ANKS1B: variants seen among roughly 807,000 people sequenced by gnomAD.
ANKS1B encodes ankyrin repeat and sterile alpha motif domain containing 1B.
Under a neutral mutation model 148.3 loss-of-function variants are expected in ANKS1B, and 36 were observed. The observed-to-expected ratio is 0.24, with a 90% CI of 0.19 to 0.32. The LOEUF is 0.32. Ranked by LOEUF, ANKS1B falls within the 10% of genes least tolerant of loss-of-function variation. The probability of loss-of-function intolerance (pLI) is 1.00; values close to 1 mark genes in which losing one functional copy is unlikely to be tolerated. For missense variants in ANKS1B, 1,157 were observed against 1,542.6 expected, an observed-to-expected ratio of 0.75 and a Z score of 4.19; for synonymous variants, 542 against 560.8, an observed-to-expected ratio of 0.97 and a Z score of 0.47.
intron 8 of ANKS1B, among the ~76,000 whole-genome samples, chr12:99,689,890 TG>T (rs1449329127): frequency 1.3e-5 from 2 of 152,208 alleles, no homozygotes; most frequent in Admixed American, 1.3e-4. Flanking sequence ...ATTGCAGCCT[TG>T]TGAGACCATG....
At chr12:99,935,283 G>A (rs1343708699) in intron 1 of ANKS1B, among the ~76,000 whole-genome samples, 2 of 151,064 alleles carry the variant, frequency 1.3e-5, no homozygotes, top group African/African-American at 4.9e-5. Flanking sequence ...AAGGGATGGG[G>A]CGTGTTTAGA....
intron 15 of ANKS1B, among the ~76,000 whole-genome samples, chr12:99,085,641 A>G (rs2051443450): frequency 6.6e-6 from 1 of 152,212 alleles, no homozygotes; most frequent in African/African-American, 2.4e-5. Context: ...AGCCTAGATA[A>G]AGAAAATGTG....
At chr12:99,914,689 G>C (rs2094114559) in intron 1 of ANKS1B, among the ~76,000 whole-genome samples, 1 of 152,118 alleles carries the variant, frequency 6.6e-6, no homozygotes, top group South Asian at 2.1e-4. Context: ...ATAGGGAAAG[G>C]GGGAGGGTGG....
chr12:99,782,167 G>T, intron 4 of ANKS1B, 70 bp from the exon 5 acceptor site: 1 of 1,259,306 alleles, frequency 7.9e-7, no homozygotes, highest in Non-Finnish European at 1.1e-6. Flanking sequence ...GAAATAAAAT[G>T]CTCACATTTT....
chr12:99,810,004 G>A (rs990832617), intron 3 of ANKS1B, among the ~76,000 whole-genome samples: 3 of 151,932 alleles, frequency 2.0e-5, no homozygotes, highest in African/African-American at 4.8e-5. Flanking sequence ...GTAAGATAAC[G>A]GGGATGAAGT....
chr12:99,567,791 A>G (rs1315565159), intron 9 of ANKS1B, among the ~76,000 whole-genome samples: 1 of 152,200 alleles, frequency 6.6e-6, no homozygotes, highest in African/African-American at 2.4e-5. Context: ...AAATTTCAAA[A>G]GACCATAACT....
At chr12:99,146,026 G>A (rs1158505682) in intron 15 of ANKS1B, among the ~76,000 whole-genome samples, 1 of 151,976 alleles carries the variant, frequency 6.6e-6, no homozygotes, top group Non-Finnish European at 1.5e-5. Context: ...GAACTATATA[G>A]AATTATATGA....
chr12:99,200,384 T>C (rs566164498), intron 14 of ANKS1B, among the ~76,000 whole-genome samples: 1 of 152,350 alleles, frequency 6.6e-6, no homozygotes, highest in East Asian at 1.9e-4. Context: ...TAAATCTGCT[T>C]CCATTTAGAT....
chr12:99,536,285 G>A (rs1444311293), intron 9 of ANKS1B, among the ~76,000 whole-genome samples: 2 of 152,146 alleles, frequency 1.3e-5, no homozygotes, highest in African/African-American at 4.8e-5. Flanking sequence ...GCACTCTGGT[G>A]GGGATGTTGA....
At chr12:99,426,777 T>C (rs2095263109) in intron 11 of ANKS1B, among the ~76,000 whole-genome samples, 1 of 152,180 alleles carries the variant, frequency 6.6e-6, no homozygotes, top group African/African-American at 2.4e-5. Flanking sequence ...TATTTAACTA[T>C]CTACATTATA....
chr12:99,051,966 T>C (rs978280793), intron 17 of ANKS1B, among the ~76,000 whole-genome samples: 4 of 152,228 alleles, frequency 2.6e-5, no homozygotes, highest in Admixed American at 2.0e-4. Flanking sequence ...CAGAGCACTT[T>C]TGAACCAGCA....
chr12:99,482,135 C>T (rs1005527820), intron 10 of ANKS1B, among the ~76,000 whole-genome samples: 3 of 151,744 alleles, frequency 2.0e-5, no homozygotes, highest in East Asian at 1.9e-4. Flanking sequence ...TTTTCAACAT[C>T]GTCTTCCAGA....
At chr12:99,464,863 A>G (rs950734060) in intron 10 of ANKS1B, among the ~76,000 whole-genome samples, 5 of 152,242 alleles carry the variant, frequency 3.3e-5, no homozygotes, top group Admixed American at 1.3e-4. Context: ...GTTGGAAAAC[A>G]CTATGCAGGA....
intron 1 of ANKS1B, among the ~76,000 whole-genome samples, chr12:99,961,575 T>C (rs1174607345): frequency 1.3e-5 from 2 of 152,186 alleles, no homozygotes; most frequent in Non-Finnish European, 2.9e-5. Context: ...CTTGATTCTA[T>C]GAAAGACTTC....
intron 17 of ANKS1B, among the ~76,000 whole-genome samples, chr12:99,048,092 G>A (rs1368242292): frequency 6.6e-6 from 1 of 152,236 alleles, no homozygotes; most frequent in Non-Finnish European, 1.5e-5. Context: ...GGAGGCAGAG[G>A]CTGGAATGCC....
intron 14 of ANKS1B, among the ~76,000 whole-genome samples, chr12:99,235,384 C>T (rs948099135): frequency 1.3e-5 from 2 of 152,112 alleles, no homozygotes; most frequent in African/African-American, 4.8e-5. Context: ...TGAATATCCT[C>T]AGTATTGAGG....
chr12:99,556,723 G>T (rs2097280602), intron 9 of ANKS1B, among the ~76,000 whole-genome samples: 1 of 152,116 alleles, frequency 6.6e-6, no homozygotes, highest in South Asian at 2.1e-4. Flanking sequence ...TGAGGAGCAG[G>T]TTGTTTAATT....
chr12:99,229,708 A>G (rs536424188), intron 14 of ANKS1B, among the ~76,000 whole-genome samples: 9 of 151,728 alleles, frequency 5.9e-5, no homozygotes, highest in Non-Finnish European at 5.9e-5. Context: ...TCTACTATTT[A>G]TCTTACAAAT....
intron 12 of ANKS1B, among the ~76,000 whole-genome samples, chr12:99,269,244 A>G (rs1317791730): frequency 6.6e-6 from 1 of 152,214 alleles, no homozygotes; most frequent in Non-Finnish European, 1.5e-5. Context: ...TATCAAGCAA[A>G]TACATTTTTT....
Sources: allele counts gnomAD v4.1 joint callset (sites outside exome capture counted in the v4.1 genomes callset), GRCh38; gene constraint gnomAD v4.1.1; transcripts MANE v1.5; gene names NCBI Gene and HGNC (gene_info 2026-07-23, HGNC 2026-07-21).